Variants in SLC13A5 observed in about 807,000 individuals in gnomAD.
SLC13A5 encodes the protein Na(+)/citrate cotransporter.
A neutral mutation model predicts 56.5 loss-of-function variants in SLC13A5; 25 were observed. The observed-to-expected ratio is 0.44, with a 90% CI of 0.32 to 0.62. The LOEUF (loss-of-function observed/expected upper bound fraction) is 0.62, where lower values mean the gene tolerates loss of function less well. SLC13A5 is among the 20% of genes least tolerant of loss of function. The pLI is 0.04. For synonymous variants in SLC13A5, 307 were observed against 301.5 expected (o/e 1.02, Z -0.19); for missense variants, 649 against 737.8 (o/e 0.88, Z 1.39).
chr17:6,686,355 G>C lies in SLC13A5; in HGVS notation c.1576-17C>G, dbSNP rs1483457865. 6.2e-7 allele frequency: 1 copy of C among 1,613,894 alleles called. No individual in the cohort carries two copies. ...TGTTTTCACCTGGAAAAGAGACAGA[G>C]TCAGCACCCTGAGGCCTGCTGGGGA... On this transcript the variant is annotated splice_polypyrimidine_tract_variant and intron_variant, in intron 11 of 11. Coordinates refer to ENST00000433363, the MANE Select transcript of SLC13A5 (RefSeq NM_177550.5).
rs761273591 is a variant in SLC13A5 at position 6,703,155 on chromosome 17, G to A, written c.548-17C>T. 8.5e-5 allele frequency: 137 copies of A among 1,613,276 alleles called. No homozygotes were observed. The highest frequency in any genetic ancestry group is 1.0e-4 in the Non-Finnish European group (123 of 1,179,834). On this transcript the variant is annotated splice_polypyrimidine_tract_variant and intron_variant, in intron 4 of 11. Coordinates refer to ENST00000433363, the MANE Select transcript of SLC13A5 (RefSeq NM_177550.5). ...CTTGACTCCCTGTGGTGGGCACAGC[G>A]CTGTTAGCTGAGCCAGTCATGGGGG...
intron 1 of SLC13A5, among the ~76,000 whole-genome samples, chr17:6,712,891 C>T (rs980306293): frequency 2.0e-5 from 3 of 152,228 alleles, no homozygotes; most frequent in Admixed American, 2.0e-4. Flanking sequence ...CAGGGTTATG[C>T]ACTGTGGGAG....
chr17:6,703,144 G>T lies in SLC13A5; in HGVS notation c.548-6C>A. 4 of 1,613,960 alleles carry T rather than the reference G, an allele frequency of 2.5e-6. No individual in the cohort carries two copies. The South Asian group carries it at 3.3e-5, about 13-fold the overall frequency. On this transcript the variant is annotated splice_region_variant and splice_polypyrimidine_tract_variant and intron_variant, in intron 4 of 11. Coordinates refer to ENST00000433363, the MANE Select transcript of SLC13A5 (RefSeq NM_177550.5). Reference sequence around the variant, plus strand: ...TTCAAAAATCACTTGACTCCCTGTGGTGGGCACAGCGCTGTTAGCTGAGCC... The same window carrying T: ...TTCAAAAATCACTTGACTCCCTGTGTTGGGCACAGCGCTGTTAGCTGAGCC...
chr17:6,701,085 C>G lies in SLC13A5; in HGVS notation c.758G>C (p.Trp253Ser). 6.2e-7 allele frequency: 1 copy of G among 1,614,210 alleles called. No individual in the cohort carries two copies. Among genetic ancestry groups the G allele is most frequent in the Non-Finnish European group, 8.5e-7 (1 of 1,180,030 alleles). The change falls in exon 6 of 12, where the codon TGG becomes TCG. Residue 253 changes from tryptophan to serine, a missense_variant. Physicochemically the swap from Trp to Ser is radical, Grantham distance 177. Coordinates refer to ENST00000433363, the MANE Select transcript of SLC13A5 (RefSeq NM_177550.5). The surrounding 1 kb of genome is among the most constrained non-coding windows in gnomAD (Gnocchi z 4.1). ...DSKDLVNFAS[W>S]FAFAFPNMLV... ...CATGTTGGGAAAGGCAAATGCAAAC[C>G]AGGAAGCAAAGTTCACGAGGTCCTT...
rs769045426 is a variant in SLC13A5 at position 6,694,041 on chromosome 17, C to T, written c.1156+56G>A. On this transcript the variant is annotated intron_variant, in intron 8 of 11. Coordinates refer to ENST00000433363, the MANE Select transcript of SLC13A5 (RefSeq NM_177550.5). Reference sequence around the variant, plus strand: ...AGGGCCCAAGGCATCCCATAGTGACCCTTTGGTTCCAGGGCTCCAGTCCTG... The same window carrying T: ...AGGGCCCAAGGCATCCCATAGTGACTCTTTGGTTCCAGGGCTCCAGTCCTG... 1.1e-4 allele frequency: 138 copies of T among 1,228,054 alleles called. 2 individuals carry two copies. The highest frequency in any genetic ancestry group is 1.5e-4 in the Non-Finnish European group (129 of 851,812). 76.1% of individuals were successfully genotyped at this position (1,228,054 alleles called of 1,614,324 possible).
At chr17:6,712,963 C>T (rs929273048) in intron 1 of SLC13A5, among the ~76,000 whole-genome samples, 5 of 152,216 alleles carry the variant, frequency 3.3e-5, no homozygotes, top group African/African-American at 1.2e-4. Context: ...GATCTGTGCT[C>T]ACTTCGAGGT....
chr17:6,698,203 G>A (rs891365706), intron 6 of SLC13A5, among the ~76,000 whole-genome samples: 1 of 152,248 alleles, frequency 6.6e-6, no homozygotes, highest in African/African-American at 2.4e-5. Flanking sequence ...TGGCCCGTCG[G>A]GAAGGGGAAG....
At position 6,692,227 on chromosome 17, in the gene SLC13A5, GGACA is replaced by G. The variant is rs1973430555; in HGVS notation, c.1275+813_1275+816del. On this transcript the variant is annotated intron_variant, in intron 9 of 11. Coordinates refer to ENST00000433363, the MANE Select transcript of SLC13A5 (RefSeq NM_177550.5). The surrounding 1 kb of genome is among the most constrained non-coding windows in gnomAD (Gnocchi z 5.5). ...TGGATAGATAGATGGGTGGATGGAT[GGACA>G]GATGGATGGATGGATGGATGGATGG... Among the ~76,000 whole-genome samples, 4 of 140,766 alleles carry G rather than the reference GGACA, an allele frequency of 2.8e-5. No individual in the cohort carries two copies. The South Asian group carries it at 7.0e-4, about 24-fold the overall frequency. The allele number at this position is 140,766 out of a possible 152,430, so 92.3% of individuals were successfully genotyped here.
intron 1 of SLC13A5, among the ~76,000 whole-genome samples, chr17:6,709,778 G>T (rs369883110): frequency 3.6e-4 from 55 of 152,176 alleles, no homozygotes; most frequent in African/African-American, 1.1e-3. Context: ...TCTTTTTTCA[G>T]CATCCCACGA....
chr17:6,712,315 G>T (rs1310218441), intron 1 of SLC13A5, among the ~76,000 whole-genome samples: 1 of 152,228 alleles, frequency 6.6e-6, no homozygotes, highest in African/African-American at 2.4e-5. Context: ...GAGTGAAAGG[G>T]CTGAAAGAAG....
rs1444234176 is a variant in SLC13A5 at position 6,701,129 on chromosome 17, A to G, written c.717-3T>C. On this transcript the variant is annotated splice_region_variant and splice_polypyrimidine_tract_variant and intron_variant, in intron 5 of 11. Coordinates refer to ENST00000433363, the MANE Select transcript of SLC13A5 (RefSeq NM_177550.5). This position sits in a 1 kb window ranked among gnomAD's most constrained non-coding sequence, Gnocchi z 4.1. Reference sequence around the variant, plus strand: ...GGTCCTTGCTGTCAGGAAACAACCTACAAGAAGACACCGGCCCCCACCTCA... The same window carrying G: ...GGTCCTTGCTGTCAGGAAACAACCTGCAAGAAGACACCGGCCCCCACCTCA... The G allele has an allele frequency of 1.2e-6, 2 of 1,613,780 alleles. No individual in the cohort carries two copies.
Position 6,692,970 on chromosome 17 carries a change from G to T in SLC13A5, c.1275+74C>A. 1 of 1,103,724 alleles carries T rather than the reference G, an allele frequency of 9.1e-7. No individual in the cohort carries two copies. Among genetic ancestry groups the T allele is most frequent in the Non-Finnish European group, 1.4e-6 (1 of 714,840 alleles). 68.4% of individuals were successfully genotyped at this position (1,103,724 alleles called of 1,614,324 possible). ...AGGCACAGAAACACACAAGCCCAGG[G>T]ATGGAAGGGTGGAGAAACGCCACCC... On this transcript the variant is annotated intron_variant, in intron 9 of 11. Transcript: ENST00000433363. The surrounding 1 kb of genome is among the most constrained non-coding windows in gnomAD (Gnocchi z 5.5).
chr17:6,707,911 G>A (rs76744911), intron 1 of SLC13A5, among the ~76,000 whole-genome samples: 3,342 of 152,298 alleles, frequency 0.022, 220 homozygotes, highest in Admixed American at 0.15. Flanking sequence ...TGAAATAAAA[G>A]TAATAATAAT....
chr17:6,691,363 C>A (rs933616367), intron 9 of SLC13A5, among the ~76,000 whole-genome samples: 1 of 152,212 alleles, frequency 6.6e-6, no homozygotes, highest in African/African-American at 2.4e-5. Context: ...TCCTTATACC[C>A]AGTCAGTCAC....
Position 6,707,094 on chromosome 17 carries a change from A to C in SLC13A5, c.165T>G (p.Pro55=), listed in dbSNP as rs947241203. 5 of 1,614,132 alleles carry C rather than the reference A, an allele frequency of 3.1e-6. No homozygotes were observed. Among genetic ancestry groups the C allele is most frequent in the Non-Finnish European group, 4.2e-6 (5 of 1,180,030 alleles). Residue 55 remains proline, a synonymous_variant, in exon 2 of 12, where the codon CCT becomes CCG. Coordinates refer to ENST00000433363, the MANE Select transcript of SLC13A5 (RefSeq NM_177550.5). ...CAGGCATGAGAGAGGTGACAGCCAGAGGGATGACTTCTGTGCACCAGTAAA... is the reference window on the plus strand; with the variant it reads ...CAGGCATGAGAGAGGTGACAGCCAGCGGGATGACTTCTGTGCACCAGTAAA... ...MAIYWCTEVI[P]LAVTSLMPVL...
Position 6,687,781 on chromosome 17 carries a change from T to C in SLC13A5, c.1438-115A>G. ...GTACGTTTGAACCTCTGTGCCTCAG[T>C]CTTGGTTCCTCTCCCTTTTGCCACG... On this transcript the variant is annotated intron_variant, in intron 10 of 11. Transcript: ENST00000433363. This position sits in a 1 kb window ranked among gnomAD's most constrained non-coding sequence, Gnocchi z 5.0. 1 of 1,276,464 alleles carries C rather than the reference T, an allele frequency of 7.8e-7. No individual in the cohort carries two copies. The highest frequency in any genetic ancestry group is 1.0e-6 in the Non-Finnish European group (1 of 970,824). The allele number at this position is 1,276,464 out of a possible 1,614,324, so 79.1% of individuals were successfully genotyped here.
rs78388665 is a variant in SLC13A5 at position 6,685,082 on chromosome 17, G to A, written c.*1125C>T. The A allele has an allele frequency of 6.6e-6, 1 of 152,226 alleles. No homozygotes were observed. 9.4% of individuals were successfully genotyped at this position (152,226 alleles called of 1,614,324 possible). ...GGCCCACGGGCAGGGGTTGTTTGCT[G>A]AGAGATCACCAAGCGCTGCTCAATC... On this transcript the variant is annotated 3_prime_UTR_variant, in exon 12 of 12. Transcript: ENST00000433363. This position sits in a 1 kb window ranked among gnomAD's most constrained non-coding sequence, Gnocchi z 4.2.
intron 6 of SLC13A5, among the ~76,000 whole-genome samples, chr17:6,696,336 C>T (rs898811640): frequency 6.6e-6 from 1 of 152,182 alleles, no homozygotes; most frequent in African/African-American, 2.4e-5. Context: ...GGGATGCCAA[C>T]CCCCATCACC....
intron 7 of SLC13A5, among the ~76,000 whole-genome samples, chr17:6,695,213 T>C (rs1003159671): frequency 3.9e-5 from 6 of 152,172 alleles, no homozygotes; most frequent in African/African-American, 1.2e-4. Context: ...AGGGTCTTAT[T>C]GTGGAGCTTG....
Sources: gnomAD v4.1 joint callset for allele counts (sites outside exome capture counted in the v4.1 genomes callset) on GRCh38, gnomAD v4.1.1 for gene constraint, Gnocchi (gnomAD v3.1) non-coding constraint, MANE v1.5 for transcripts, NCBI Gene and HGNC (gene_info 2026-07-23, HGNC 2026-07-21) for gene names.